The following C8orf34 variants were observed in gnomAD, a reference collection of about 807,000 sequenced individuals.
C8orf34 encodes chromosome 8 open reading frame 34, also known as uncharacterized protein C8orf34.
In C8orf34, 65 loss-of-function variants were observed where a neutral mutation model predicts 68.3. The ratio of observed to expected loss-of-function variants is 0.95; its 90% CI spans 0.78 to 1.17. The LOEUF (loss-of-function observed/expected upper bound fraction) is 1.17, where lower values mean the gene tolerates loss of function less well. C8orf34 is among the 50% of genes most tolerant of loss of function. The pLI is 0.00. For missense variants in C8orf34, 664 were observed against 655.4 expected, an observed-to-expected ratio of 1.01 and a Z score of -0.14; for synonymous variants, 244 against 241.2, an observed-to-expected ratio of 1.01 and a Z score of -0.11.
chr8:68,436,587 T>A (rs1203760952), intron 1 of C8orf34, among the ~76,000 whole-genome samples: 1 of 152,152 alleles, frequency 6.6e-6, no homozygotes, highest in Admixed American at 6.5e-5. Flanking sequence ...GGGAATCTCA[T>A]GTCACAACCC....
chr8:68,796,896 G>A (rs1277348368), intron 12 of C8orf34, among the ~76,000 whole-genome samples: 2 of 147,502 alleles, frequency 1.4e-5, no homozygotes, highest in Non-Finnish European at 3.0e-5. Flanking sequence ...GCGCTAACTC[G>A]GCTCACTGCA....
At chr8:68,799,841 T>C (rs983790076) in intron 12 of C8orf34, among the ~76,000 whole-genome samples, 4 of 151,978 alleles carry the variant, frequency 2.6e-5, no homozygotes, top group African/African-American at 9.7e-5. Flanking sequence ...ATTGGAGAGA[T>C]TGGAGAGATC....
chr8:68,733,876 TGTAA>T lies in C8orf34; in HGVS notation c.1404+12452_1404+12455del, dbSNP rs147208169. Among the ~76,000 whole-genome samples the T allele has an allele frequency of 2.4e-3, 361 of 152,286 alleles. 1 individual carries two copies. The highest frequency in any genetic ancestry group is 8.1e-3 in the African/African-American group (335 of 41,572). ...TGGGAAAAAAGGAAGCTGAGTAATT[TGTAA>T]GTAAGTAAGTAAATATCTCTCCACG... On this transcript the variant is annotated intron_variant, in intron 10 of 13. Transcript: ENST00000518698.
intron 3 of C8orf34, among the ~76,000 whole-genome samples, chr8:68,456,524 T>G (rs942723838): frequency 2.0e-5 from 3 of 152,202 alleles, no homozygotes; most frequent in Non-Finnish European, 4.4e-5. Context: ...AGATGGATTT[T>G]TACTAAAATG....
chr8:68,596,512 A>G (rs974057723), intron 7 of C8orf34, among the ~76,000 whole-genome samples: 1 of 152,188 alleles, frequency 6.6e-6, no homozygotes, highest in African/African-American at 2.4e-5. Flanking sequence ...CGCAGAACAC[A>G]TGAGACTCCT....
intron 7 of C8orf34, among the ~76,000 whole-genome samples, chr8:68,578,684 A>G (rs961166378): frequency 1.6e-4 from 24 of 150,700 alleles, no homozygotes; most frequent in African/African-American, 5.7e-4. Flanking sequence ...ATTCTGAGGA[A>G]ATTAACTGGT....
chr8:68,613,442 C>CG (rs1182185315), intron 7 of C8orf34, among the ~76,000 whole-genome samples: 1 of 137,648 alleles, frequency 7.3e-6, no homozygotes, highest in African/African-American at 3.2e-5. Flanking sequence ...ATCCCTCCCC[C>CG]TCCCCCCACA....
At chr8:68,774,742 T>C (rs139195806) in intron 10 of C8orf34, among the ~76,000 whole-genome samples, 71,684 of 148,522 alleles carry the variant, frequency 0.48, 19,283 homozygotes, top group African/African-American at 0.74. Context: ...ACATCACAAT[T>C]TTTTTTAAAA....
chr8:68,804,473 A>G (rs1824426481), intron 12 of C8orf34, among the ~76,000 whole-genome samples: 1 of 152,166 alleles, frequency 6.6e-6, no homozygotes, highest in Non-Finnish European at 1.5e-5. Flanking sequence ...TATTAATTGC[A>G]TATAGAATTT....
intron 7 of C8orf34, among the ~76,000 whole-genome samples, chr8:68,637,327 C>T (rs1818876154): frequency 6.6e-6 from 1 of 152,084 alleles, no homozygotes; most frequent in South Asian, 2.1e-4. Flanking sequence ...TCAGTAACTC[C>T]TCCAAGTAGA....
Position 68,473,388 on chromosome 8 carries a change from G to A in C8orf34, c.736+4568G>A, listed in dbSNP as rs1198026940. Among the ~76,000 whole-genome samples, 17 of 152,038 alleles carry A rather than the reference G, an allele frequency of 1.1e-4. 1 individual carries two copies. The highest frequency in any genetic ancestry group is 1.0e-3 in the Admixed American group (16 of 15,264). On this transcript the variant is annotated intron_variant, in intron 4 of 13. Transcript: ENST00000518698. ...GGCTGCCCCACCCTAATCTTATTATGCAGATAGGCTTTCCACTTGGCAGGT... is the reference window on the plus strand; with the variant it reads ...GGCTGCCCCACCCTAATCTTATTATACAGATAGGCTTTCCACTTGGCAGGT...
rs2129778212 is a variant in C8orf34, at chr8:68,528,836, G to T, written c.939-4147G>T. On this transcript the variant is annotated intron_variant, in intron 6 of 13. Coordinates refer to ENST00000518698, the MANE Select transcript of C8orf34 (RefSeq NM_052958.4). ...TGTTTCCCATTTCAAAGAGAAAATA[G>T]CTGCAGTCATAAAGAAAACCTCCAT... 2.6e-5 allele frequency among the ~76,000 whole-genome samples: 4 copies of T among 152,188 alleles called. 1 individual carries two copies. The Middle Eastern group carries it at 0.01, about 388-fold the overall frequency.
intron 10 of C8orf34, among the ~76,000 whole-genome samples, chr8:68,761,849 A>G (rs1251378104): frequency 1.3e-5 from 2 of 152,190 alleles, no homozygotes; most frequent in African/African-American, 2.4e-5. Context: ...CTTTAACACT[A>G]CAGTGTGGCT....
In C8orf34 at chr8:68,814,808, T is replaced by G. The variant is rs77562061; in HGVS notation, c.1550-1078T>G. 8.1e-3 allele frequency among the ~76,000 whole-genome samples: 1,235 copies of G among 152,314 alleles called. 22 individuals are homozygous for G. The highest frequency in any genetic ancestry group is 0.028 in the African/African-American group (1,175 of 41,582). ...AAATCAATAAGCCATTTCATTCGAG[T>G]TGAAGTAGCACTTAACCAATGAATG... On this transcript the variant is annotated intron_variant, in intron 12 of 13. Coordinates refer to ENST00000518698, the MANE Select transcript of C8orf34 (RefSeq NM_052958.4).
chr8:68,400,543 C>G (rs1808904295), intron 1 of C8orf34, among the ~76,000 whole-genome samples: 1 of 151,950 alleles, frequency 6.6e-6, no homozygotes, highest in South Asian at 2.1e-4. Context: ...TTCTGTTGAT[C>G]TATGTGTCTG....
intron 3 of C8orf34, among the ~76,000 whole-genome samples, chr8:68,467,085 A>C (rs979620186): frequency 1.3e-5 from 2 of 151,940 alleles, no homozygotes; most frequent in African/African-American, 2.4e-5. Context: ...AAATCTACAC[A>C]ATCAAACATA....
At chr8:68,388,140 C>T (rs556859146) in intron 1 of C8orf34, among the ~76,000 whole-genome samples, 2 of 152,272 alleles carry the variant, frequency 1.3e-5, no homozygotes, top group South Asian at 2.1e-4. Flanking sequence ...GGTCTTATTC[C>T]AGATAAAACA....
chr8:68,759,612 T>C (rs1822969339), intron 10 of C8orf34, among the ~76,000 whole-genome samples: 1 of 152,168 alleles, frequency 6.6e-6, no homozygotes, highest in African/African-American at 2.4e-5. Flanking sequence ...CATATACATG[T>C]GGGAATGAAT....
At chr8:68,518,118 G>GTATCCCAAACCTCAGCA (rs1481813468) in intron 5 of C8orf34, among the ~76,000 whole-genome samples, 6 of 152,106 alleles carry the variant, frequency 3.9e-5, no homozygotes, top group Non-Finnish European at 1.5e-5. Context: ...TGGTTTATCT[G>GTATCCCAAACCTCAGCA]TATCCCAAAC....
Sources: allele counts gnomAD v4.1 joint callset (sites outside exome capture counted in the v4.1 genomes callset), GRCh38; gene constraint gnomAD v4.1.1; transcripts MANE v1.5; gene names NCBI Gene and HGNC (gene_info 2026-07-23, HGNC 2026-07-21).